Variants in TLR6 observed in about 807,000 individuals in gnomAD.
TLR6 encodes the protein toll like receptor 6.
A neutral mutation model predicts 16.1 loss-of-function variants in TLR6; 9 were observed. The ratio of observed to expected loss-of-function variants is 0.56; its 90% CI spans 0.34 to 0.98. TLR6 has a LOEUF of 0.98. Among genes scored for constraint, TLR6 ranks in the 50% least tolerant of loss-of-function variants. TLR6 has a pLI of 0.02. For missense variants in TLR6, 786 were observed against 921.0 expected (o/e 0.85, Z 1.90); for synonymous variants, 340 against 338.6 (o/e 1.00, Z -0.04).
chr4:38,826,818 G>A (rs1370007254), exon 2 of TLR6: 1 of 294,272 alleles, frequency 3.4e-6, no homozygotes, highest in Non-Finnish European at 6.3e-6. Context: ...GCAGAGTGGA[G>A]AGGAGCTGAA....
chr4:38,852,379 T>C (rs1396625772), intron 1 of TLR6, among the ~76,000 whole-genome samples: 1 of 152,058 alleles, frequency 6.6e-6, no homozygotes, highest in Non-Finnish European at 1.5e-5. Flanking sequence ...AATTGACAAA[T>C]GGGATCTAAT....
exon 2 of TLR6, chr4:38,827,095 A>G: frequency 1.3e-6 from 2 of 1,580,194 alleles, no homozygotes; most frequent in Non-Finnish European, 1.7e-6. Flanking sequence ...AAGATTTCAC[A>G]TCATTGTTTT....
At chr4:38,830,098 A>G (rs1727754299) in intron 1 of TLR6, among the ~76,000 whole-genome samples, 2 of 152,122 alleles carry the variant, frequency 1.3e-5, no homozygotes, top group Admixed American at 1.3e-4. Context: ...CCTAAACTTC[A>G]CCTCTGGCTC....
chr4:38,843,202 C>T (rs956467266), intron 1 of TLR6, among the ~76,000 whole-genome samples: 157 of 152,174 alleles, frequency 1.0e-3, no homozygotes, highest in African/African-American at 3.7e-3. Flanking sequence ...TGCATGAGCC[C>T]ACAAACCCCA....
chr4:38,843,455 TA>T (rs1238844098), intron 1 of TLR6, among the ~76,000 whole-genome samples: 1 of 152,146 alleles, frequency 6.6e-6, no homozygotes, highest in Non-Finnish European at 1.5e-5. Context: ...CTGGAAATAG[TA>T]AAACAGTCAA....
intron 1 of TLR6, among the ~76,000 whole-genome samples, chr4:38,845,263 C>T (rs528510902): frequency 2.0e-5 from 3 of 152,206 alleles, no homozygotes; most frequent in South Asian, 4.1e-4. Flanking sequence ...GGACTGAAAC[C>T]GAGAAGCCTC....
chr4:38,841,883 T>C (rs1469739242), intron 1 of TLR6, among the ~76,000 whole-genome samples: 2 of 152,260 alleles, frequency 1.3e-5, no homozygotes, highest in Non-Finnish European at 2.9e-5. Context: ...TACGTCATTA[T>C]TGTTTATTTT....
chr4:38,829,352 C>T (rs1727717238), exon 2 of TLR6: 14 of 1,614,088 alleles, frequency 8.7e-6, no homozygotes, highest in Non-Finnish European at 1.2e-5. Flanking sequence ...AATAAGACCT[C>T]TTTTTGACTT....
chr4:38,838,041 G>A (rs78649642), intron 1 of TLR6, among the ~76,000 whole-genome samples: 4,924 of 152,158 alleles, frequency 0.032, 229 homozygotes, highest in African/African-American at 0.089. Context: ...AAACCACAAC[G>A]AGATATCATC....
At chr4:38,855,073 G>A (rs868683864) in intron 1 of TLR6, among the ~76,000 whole-genome samples, 4 of 152,076 alleles carry the variant, frequency 2.6e-5, no homozygotes, top group Admixed American at 1.3e-4. Context: ...TTAGCCGGGC[G>A]TGGTGGCGGG....
chr4:38,862,470 G>A, the TLR6 span, among the ~76,000 whole-genome samples: 23 of 152,034 alleles, frequency 1.5e-4, no homozygotes, highest in Middle Eastern at 3.4e-3. Context: ...TAGTACAGAC[G>A]GGGTTTTGCC....
At chr4:38,832,240 C>A (rs1336290855) in intron 1 of TLR6, among the ~76,000 whole-genome samples, 2 of 152,046 alleles carry the variant, frequency 1.3e-5, no homozygotes, top group Non-Finnish European at 2.9e-5. Flanking sequence ...CAAAGAAGGA[C>A]CAAAACAGTG....
upstream of TLR6, among the ~76,000 whole-genome samples, chr4:38,859,757 G>A (rs1471968090): frequency 6.6e-6 from 1 of 151,492 alleles, no homozygotes; most frequent in Non-Finnish European, 1.5e-5. Context: ...GCAGAGACAG[G>A]GTTTTGCCAT....
intron 1 of TLR6, among the ~76,000 whole-genome samples, chr4:38,854,654 T>C (rs777067648): frequency 4.6e-5 from 7 of 152,172 alleles, no homozygotes; most frequent in Non-Finnish European, 7.4e-5. Context: ...ACAAGCTTTC[T>C]AAAGGGTAAT....
chr4:38,855,062 A>G (rs151037352), intron 1 of TLR6, among the ~76,000 whole-genome samples: 4,897 of 152,056 alleles, frequency 0.032, 225 homozygotes, highest in African/African-American at 0.089. Context: ...ATACAAAAAA[A>G]TTAGCCGGGC....
exon 2 of TLR6, chr4:38,824,202 T>G (rs2109396494): frequency 6.6e-6 from 1 of 151,690 alleles, no homozygotes; most frequent in African/African-American, 2.4e-5. Context: ...GCATCTACAA[T>G]GGGGTGCACA....
At position 38,829,553 on chromosome 4, in the gene TLR6, A is replaced by G. The variant is rs893755329; in HGVS notation, c.-64-16T>C. The stretch of plus-strand genomic sequence containing the variant: ...AGTCCAAATTCTAGAAATATAATAT[A>G]CACTAAGATTAATAAAGATCGGATG... On this transcript the variant is annotated splice_polypyrimidine_tract_variant and intron_variant, in intron 1 of 1. Coordinates refer to ENST00000436693, the Ensembl canonical transcript of TLR6. The G allele has an allele frequency of 1.5e-5, 12 of 797,140 alleles. No homozygotes were observed. In the African/African-American group the frequency reaches 2.1e-4, roughly 14 times the overall value. The allele number at this position is 797,140 out of a possible 1,614,324, so 49.4% of individuals were successfully genotyped here.
intron 1 of TLR6, among the ~76,000 whole-genome samples, chr4:38,830,656 A>C (rs1711528351): frequency 6.6e-6 from 1 of 152,176 alleles, no homozygotes; most frequent in Non-Finnish European, 1.5e-5. Context: ...TCGAGGCTCC[A>C]ATGAGCTGTG....
At chr4:38,844,830 G>T (rs912369270) in intron 1 of TLR6, among the ~76,000 whole-genome samples, 4 of 152,160 alleles carry the variant, frequency 2.6e-5, no homozygotes, top group African/African-American at 9.7e-5. Flanking sequence ...AAGGTGGGTG[G>T]ATCTCCTGAG....
Sources: gnomAD v4.1 joint callset for allele counts (sites outside exome capture counted in the v4.1 genomes callset) on GRCh38, gnomAD v4.1.1 for gene constraint, MANE v1.5 for transcripts, NCBI Gene and HGNC (gene_info 2026-07-23, HGNC 2026-07-21) for gene names.